Variants in SMYD3 observed in about 807,000 individuals in gnomAD.
SMYD3 encodes the protein histone-lysine N-methyltransferase SMYD3.
Under a neutral mutation model 57.7 loss-of-function variants are expected in SMYD3, and 36 were observed. The observed-to-expected ratio is 0.62, with a 90% CI of 0.48 to 0.82. The LOEUF (loss-of-function observed/expected upper bound fraction) is 0.82, where lower values mean the gene tolerates loss of function less well. Among genes scored for constraint, SMYD3 ranks in the 40% least tolerant of loss-of-function variants. SMYD3 has a pLI of 0.00. For synonymous variants in SMYD3, 211 were observed against 195.0 expected (o/e 1.08, Z -0.68); for missense variants, 515 against 538.8 (o/e 0.96, Z 0.44).
intron 10 of SMYD3, among the ~76,000 whole-genome samples, chr1:245,818,910 TGC>T (rs2049003305): frequency 8.2e-6 from 1 of 121,692 alleles, no homozygotes; most frequent in Admixed American, 8.5e-5. Context: ...CTGAGTGACC[TGC>T]AAAGAGACTT....
chr1:245,921,549 G>GTATATATA lies in SMYD3; in HGVS notation c.703-5917_703-5910dup, dbSNP rs143521072. Reference sequence around the variant, plus strand: ...TCAACAGTGAGCTAAAAAATGTGGTGTATATATATATATATATATATACAC... The same window carrying GTATATATA: ...TCAACAGTGAGCTAAAAAATGTGGTGTATATATATATATATATATATATATATATACAC... On this transcript the variant is annotated intron_variant, in intron 7 of 11. Transcript: ENST00000490107. 3.8e-4 allele frequency among the ~76,000 whole-genome samples: 54 copies of GTATATATA among 141,402 alleles called. 1 individual carries two copies. In the East Asian group the frequency reaches 4.2e-3, roughly 11 times the overall value. 92.8% of individuals were successfully genotyped at this position (141,402 alleles called of 152,430 possible).
intron 5 of SMYD3, among the ~76,000 whole-genome samples, chr1:246,260,516 C>A (rs758400597): frequency 2.0e-4 from 31 of 151,872 alleles, no homozygotes; most frequent in African/African-American, 6.5e-4. Context: ...AATGGCCCGA[C>A]CTTGGCTCAC....
At chr1:245,963,075 C>G (rs1489258043) in intron 5 of SMYD3, among the ~76,000 whole-genome samples, 1 of 152,106 alleles carries the variant, frequency 6.6e-6, no homozygotes, top group African/African-American at 2.4e-5. Context: ...GGCTTCTGAT[C>G]TGGTATGTAA....
intron 5 of SMYD3, among the ~76,000 whole-genome samples, chr1:246,052,402 G>T (rs900554988): frequency 7.2e-5 from 11 of 152,126 alleles, no homozygotes; most frequent in Admixed American, 5.9e-4. Flanking sequence ...TATGCTTGAT[G>T]ATATCTAGAT....
intron 5 of SMYD3, chr1:246,052,562 A>G (rs2060082385): frequency 6.6e-6 from 1 of 152,234 alleles, no homozygotes. Context: ...ACATCTATCC[A>G]CTCATACAAT....
rs1337429497 is a variant in SMYD3, at chr1:246,395,727, GTCA to G, written c.165-40636_165-40634del. Among the ~76,000 whole-genome samples, 106 of 128,806 alleles carry G rather than the reference GTCA, an allele frequency of 8.2e-4. 19 individuals are homozygous for G. The South Asian group carries it at 0.015, about 18-fold the overall frequency. The allele number at this position is 128,806 out of a possible 152,430, so 84.5% of individuals were successfully genotyped here. ...CTGGACAGGGAAGACGAACACACCA[GTCA>G]GACAGGGAAGACGAACCCACCACAG... On this transcript the variant is annotated intron_variant, in intron 1 of 11. Coordinates refer to ENST00000490107, the MANE Select transcript of SMYD3 (RefSeq NM_001167740.2).
chr1:245,886,399 T>C (rs1228002734), intron 8 of SMYD3, among the ~76,000 whole-genome samples: 1 of 152,182 alleles, frequency 6.6e-6, no homozygotes, highest in Non-Finnish European at 1.5e-5. Context: ...GATATGCTGA[T>C]GGCTGCAACT....
chr1:245,889,744 A>G (rs1225179739), intron 8 of SMYD3, among the ~76,000 whole-genome samples: 1 of 152,210 alleles, frequency 6.6e-6, no homozygotes, highest in African/African-American at 2.4e-5. Flanking sequence ...CTAATCCCCA[A>G]ATTTATATGG....
chr1:245,952,833 G>A (rs1460847881), intron 5 of SMYD3, among the ~76,000 whole-genome samples: 2 of 152,154 alleles, frequency 1.3e-5, no homozygotes, highest in Non-Finnish European at 2.9e-5. Flanking sequence ...TGATGAGCCT[G>A]AACTCCCCAC....
Position 246,400,360 on chromosome 1 carries a change from C to T in SMYD3, c.165-45266G>A, listed in dbSNP as rs1360143943. Among the ~76,000 whole-genome samples, 3 of 152,202 alleles carry T rather than the reference C, an allele frequency of 2.0e-5. No homozygotes were observed. The East Asian group carries it at 5.8e-4, about 29-fold the overall frequency. ...ATATTCTTCGCAGCTATACCAGCTA[C>T]TACTTGCATTTCAACATTTTATTTC... On this transcript the variant is annotated intron_variant, in intron 1 of 11. Transcript: ENST00000490107.
chr1:245,964,880 TAA>T (rs2058101761), intron 5 of SMYD3, among the ~76,000 whole-genome samples: 1 of 148,196 alleles, frequency 6.7e-6, no homozygotes, highest in African/African-American at 2.5e-5. Context: ...AGAAAGAGAA[TAA>T]AGAGGGAAAG....
At chr1:245,791,492 C>A (rs2047263744) in intron 10 of SMYD3, among the ~76,000 whole-genome samples, 1 of 152,108 alleles carries the variant, frequency 6.6e-6, no homozygotes, top group Non-Finnish European at 1.5e-5. Flanking sequence ...TACGTGCTCA[C>A]TGTCTGTGTT....
At chr1:245,821,411 A>C (rs974673913) in intron 10 of SMYD3, among the ~76,000 whole-genome samples, 5 of 150,684 alleles carry the variant, frequency 3.3e-5, no homozygotes, top group African/African-American at 1.2e-4. Context: ...TTGATTAAAG[A>C]CTTAAATGTT....
chr1:245,916,158 G>A (rs1326239642), intron 7 of SMYD3, among the ~76,000 whole-genome samples: 2 of 150,200 alleles, frequency 1.3e-5, no homozygotes, highest in Non-Finnish European at 3.0e-5. Flanking sequence ...TCTAGGTTTG[G>A]AAAAAAAAGG....
At chr1:245,841,911 A>T (rs2050421350) in intron 10 of SMYD3, among the ~76,000 whole-genome samples, 1 of 152,224 alleles carries the variant, frequency 6.6e-6, no homozygotes, top group Admixed American at 6.5e-5. Flanking sequence ...CCACAAGATT[A>T]TACTGGAGCT....
intron 8 of SMYD3, among the ~76,000 whole-genome samples, chr1:245,903,121 A>G (rs2054303140): frequency 6.6e-6 from 1 of 152,224 alleles, no homozygotes; most frequent in South Asian, 2.1e-4. Context: ...AATGATCTGA[A>G]TAAATTCAAA....
chr1:245,998,270 T>C (rs1177191249), intron 5 of SMYD3, among the ~76,000 whole-genome samples: 3 of 152,152 alleles, frequency 2.0e-5, no homozygotes, highest in African/African-American at 7.2e-5. Flanking sequence ...TAACCCTGGG[T>C]AAAGAGTACA....
chr1:246,098,162 A>G (rs2060947647), intron 5 of SMYD3, among the ~76,000 whole-genome samples: 1 of 152,254 alleles, frequency 6.6e-6, no homozygotes, highest in Non-Finnish European at 1.5e-5. Flanking sequence ...GCACCCAAAA[A>G]GACAACATAA....
chr1:246,432,409 G>A (rs769481365), intron 1 of SMYD3, among the ~76,000 whole-genome samples: 15 of 152,342 alleles, frequency 9.8e-5, no homozygotes, highest in Non-Finnish European at 1.8e-4. Flanking sequence ...AGGAGGTGGA[G>A]AGGTGGTGTT....
Sources: allele counts gnomAD v4.1 joint callset (sites outside exome capture counted in the v4.1 genomes callset), GRCh38; gene constraint gnomAD v4.1.1; transcripts MANE v1.5; gene names NCBI Gene and HGNC (gene_info 2026-07-23, HGNC 2026-07-21).